Variants in TET1 observed in about 807,000 individuals in gnomAD.
TET1 encodes the protein tet methylcytosine dioxygenase 1, also known as methylcytosine dioxygenase TET1.
A neutral mutation model predicts 148.7 loss-of-function variants in TET1; 13 were observed. That is an observed-to-expected ratio of 0.09 (90% CI 0.06 to 0.14). TET1 has a LOEUF of 0.14. Ranked by LOEUF, TET1 falls within the 10% of genes least tolerant of loss-of-function variation. The pLI is 1.00. For synonymous variants in TET1, 907 were observed against 937.2 expected, an observed-to-expected ratio of 0.97 and a Z score of 0.59; for missense variants, 2,182 against 2,553.8, an observed-to-expected ratio of 0.85 and a Z score of 3.14.
chr10:68,592,302 G>T (rs1721208606), intron 2 of TET1, among the ~76,000 whole-genome samples: 1 of 152,026 alleles, frequency 6.6e-6, no homozygotes, highest in African/African-American at 2.4e-5. Context: ...GGTGACAAGA[G>T]ACTTTGTCTC....
chr10:68,599,634 C>T (rs76930747), intron 2 of TET1, among the ~76,000 whole-genome samples: 81 of 152,272 alleles, frequency 5.3e-4, no homozygotes, highest in African/African-American at 1.8e-3. Context: ...GGTCCCGATC[C>T]CTGGGAAGTG....
intron 6 of TET1, among the ~76,000 whole-genome samples, chr10:68,654,591 T>C (rs1442698383): frequency 6.6e-6 from 1 of 152,138 alleles, no homozygotes; most frequent in Non-Finnish European, 1.5e-5. Context: ...CACTCCAGCC[T>C]GGGAGACAGA....
At chr10:68,587,431 A>G (rs1322287964) in intron 2 of TET1, among the ~76,000 whole-genome samples, 1 of 152,160 alleles carries the variant, frequency 6.6e-6, no homozygotes, top group African/African-American at 2.4e-5. Context: ...TACAGGAGTT[A>G]TTACAGAATT....
chr10:68,646,166 C>T lies in TET1; in HGVS notation c.3437C>T (p.Thr1146Ile). ...TCATTAACAAAACAAAAGAACCCAA[C>T]CCAGAAAAAGACAAAATCCACCCCA... is the stretch of plus-strand genomic sequence containing the variant. ...GSSLTKQKNP[T>I]QKKTKSTPSR... Residue 1146 changes from threonine (T) to isoleucine (I), a missense_variant, in exon 4 of 12, where the codon ACC becomes ATC. Physicochemically the swap from Thr to Ile is moderately conservative, Grantham distance 89. Around this residue, in one of 11 missense-constraint regions of TET1, gnomAD observed 582 missense variants for 599.5 expected, o/e 0.97. Transcript: ENST00000373644. 2 of 1,613,224 alleles carry T rather than the reference C, an allele frequency of 1.2e-6. No individual in the cohort carries two copies. Among genetic ancestry groups the T allele is most frequent in the South Asian group, 2.2e-5 (2 of 90,860 alleles).
At chr10:68,677,961 A>T (rs896961628) in intron 8 of TET1, among the ~76,000 whole-genome samples, 3 of 151,624 alleles carry the variant, frequency 2.0e-5, no homozygotes, top group African/African-American at 7.3e-5. Flanking sequence ...TTTTTTGAGA[A>T]GGGTTCTCAC....
chr10:68,680,482 CT>C (rs2055421144), intron 8 of TET1, among the ~76,000 whole-genome samples: 2 of 152,330 alleles, frequency 1.3e-5, no homozygotes, highest in South Asian at 4.1e-4. Flanking sequence ...GTAGCTGGGA[CT>C]GCAAGTATAC....
intron 2 of TET1, among the ~76,000 whole-genome samples, chr10:68,598,221 T>G (rs2054009735): frequency 1.3e-5 from 2 of 152,148 alleles, no homozygotes; most frequent in Admixed American, 1.3e-4. Flanking sequence ...AAACCTCGTC[T>G]CCACCAAAAA....
Position 68,594,257 on chromosome 10 carries a change from A to G in TET1, c.1915-6724A>G, listed in dbSNP as rs532283962. Among the ~76,000 whole-genome samples the G allele has an allele frequency of 1.4e-4, 21 of 152,246 alleles. 1 individual carries two copies. The South Asian group carries it at 4.4e-3, about 32-fold the overall frequency. ...TTGGATTTTTCTGTCCAAATTTTGA[A>G]TCTAGACACTGACACAGGGAGTAGG... On this transcript the variant is annotated intron_variant, in intron 2 of 11. Transcript: ENST00000373644.
At chr10:68,583,861 A>G (rs2132820376) in intron 2 of TET1, among the ~76,000 whole-genome samples, 1 of 151,214 alleles carries the variant, frequency 6.6e-6, no homozygotes, top group South Asian at 2.1e-4. Flanking sequence ...CAGTAAGCTG[A>G]GATTGAACCA....
chr10:68,572,054 G>A (rs1387855797), intron 1 of TET1, among the ~76,000 whole-genome samples, 163 bp from the exon 2 acceptor site: 1 of 152,162 alleles, frequency 6.6e-6, no homozygotes, highest in Non-Finnish European at 1.5e-5. Flanking sequence ...GTAGGTCCAG[G>A]CTGTGCTGAG....
chr10:68,684,391 T>TTG (rs753095698), intron 10 of TET1, among the ~76,000 whole-genome samples: 27 of 150,674 alleles, frequency 1.8e-4, no homozygotes, highest in South Asian at 1.3e-3. Context: ...TTTTTTTTTT[T>TTG]GCGTATCATT....
chr10:68,565,434 T>C (rs1366740626), intron 1 of TET1, among the ~76,000 whole-genome samples: 3 of 143,880 alleles, frequency 2.1e-5, no homozygotes, highest in Non-Finnish European at 4.5e-5. Context: ...TGAGCCTTGA[T>C]ATACCTGAGC....
At chr10:68,565,406 A>G (rs2053595582) in intron 1 of TET1, among the ~76,000 whole-genome samples, 1 of 150,498 alleles carries the variant, frequency 6.6e-6, no homozygotes, top group Non-Finnish European at 1.5e-5. Flanking sequence ...ACTTAAGCCC[A>G]GGAGGTCAAG....
intron 3 of TET1, among the ~76,000 whole-genome samples, chr10:68,609,458 G>A (rs563452016): frequency 6.6e-6 from 1 of 152,098 alleles, no homozygotes; most frequent in East Asian, 1.9e-4. Flanking sequence ...ACTGCCCCCG[G>A]CCAAGCCTGA....
chr10:68,629,784 ATTTG>A (rs1564978842), intron 3 of TET1, among the ~76,000 whole-genome samples: 2 of 152,112 alleles, frequency 1.3e-5, no homozygotes, highest in East Asian at 3.9e-4. Flanking sequence ...GATCCACCCA[ATTTG>A]GCCTCCCAAA....
chr10:68,572,178 GAA>G, intron 1 of TET1, 37 bp from the exon 2 acceptor site: 1 of 605,684 alleles, frequency 1.7e-6, no homozygotes, highest in Non-Finnish European at 2.9e-6. Context: ...GAATGCATAG[GAA>G]AAAGACTCAC....
rs974912892 is a variant in TET1 at position 68,661,196 on chromosome 10, ATTTTTTTTTT to A, written c.4462-5833_4462-5824del. 4.1e-3 allele frequency among the ~76,000 whole-genome samples: 320 copies of A among 78,628 alleles called. 1 individual carries two copies. Among genetic ancestry groups the A allele is most frequent in the African/African-American group, 0.018 (286 of 16,038 alleles). 51.6% of individuals were successfully genotyped at this position (78,628 alleles called of 152,430 possible). A position where few individuals can be genotyped will look rare whatever the true frequency, so the allele number is the denominator to read the frequency against. ...AGGCGCCTGCCACTGCGCCTGGCTA[ATTTTTTTTTT>A]TTTTTTTTTTTTTTTGTAGTTTTAG... On this transcript the variant is annotated intron_variant, in intron 6 of 11. Transcript: ENST00000373644.
chr10:68,637,389 T>C (rs2054669216), intron 3 of TET1, among the ~76,000 whole-genome samples: 1 of 152,160 alleles, frequency 6.6e-6, no homozygotes. Flanking sequence ...AATAAGGTTG[T>C]TGGAAAAACT....
At position 68,645,779 on chromosome 10, in the gene TET1, C is replaced by T; in HGVS notation, c.3050C>T (p.Thr1017Ile). ...AAATCAAATTCATCCAAGATTGACA[C>T]CAATAAAAGTATTGCTCAAGGGATA... Reference protein sequence around the residue: ...IPKSNSSKIDTNKSIAQGIIT... With the variant: ...IPKSNSSKIDINKSIAQGIIT... Residue 1017 changes from threonine (T) to isoleucine (I), a missense_variant, in exon 4 of 12, where the codon ACC (threonine) becomes ATC (isoleucine). Thr to Ile is a moderately conservative substitution (Grantham distance 89). Transcript: ENST00000373644. 6.2e-7 allele frequency: 1 copy of T among 1,614,016 alleles called. No homozygotes were observed. Among genetic ancestry groups the T allele is most frequent in the Non-Finnish European group, 8.5e-7 (1 of 1,179,964 alleles).
Sources: gnomAD v4.1 joint callset for allele counts (sites outside exome capture counted in the v4.1 genomes callset) on GRCh38, gnomAD v4.1.1 for gene constraint, gnomAD v4.1.1 regional missense constraint, MANE v1.5 for transcripts, NCBI Gene and HGNC (gene_info 2026-07-23, HGNC 2026-07-21) for gene names.